The following CEP128 variants were observed in gnomAD, a reference collection of about 807,000 sequenced individuals.
CEP128 encodes centrosomal protein 128, also known as centrosomal protein 128kDa.
CEP128 carries 132 observed loss-of-function variants against 156.7 expected under a neutral mutation model. The ratio of observed to expected loss-of-function variants is 0.84; its 90% CI spans 0.73 to 0.97. The LOEUF is 0.97. Among genes scored for constraint, CEP128 ranks in the 50% least tolerant of loss-of-function variants. The pLI, the probability that CEP128 is intolerant of heterozygous loss-of-function variation, is 0.00. For synonymous variants in CEP128, 469 were observed against 448.9 expected (o/e 1.04, Z -0.57); for missense variants, 1,252 against 1,281.9 (o/e 0.98, Z 0.36).
At chr14:80,911,197 A>G (rs1466843609) in intron 4 of CEP128, among the ~76,000 whole-genome samples, 1 of 152,218 alleles carries the variant, frequency 6.6e-6, no homozygotes, top group Non-Finnish European at 1.5e-5. Flanking sequence ...AGAAGTGATC[A>G]TTTAAAACAT....
chr14:80,718,402 G>GACCTCAA (rs1267509932), intron 19 of CEP128, among the ~76,000 whole-genome samples: 1 of 152,172 alleles, frequency 6.6e-6, no homozygotes, highest in African/African-American at 2.4e-5. Flanking sequence ...TTTAATGACA[G>GACCTCAA]ACCTCAAATA....
At chr14:80,545,381 C>A (rs773146760) in intron 21 of CEP128, among the ~76,000 whole-genome samples, 1 of 151,790 alleles carries the variant, frequency 6.6e-6, no homozygotes, top group East Asian at 1.9e-4. Context: ...TAATCTTAAT[C>A]AATATACCAG....
At chr14:80,502,540 G>A (rs531701766) in intron 24 of CEP128, among the ~76,000 whole-genome samples, 35 of 151,404 alleles carry the variant, frequency 2.3e-4, no homozygotes, top group African/African-American at 8.0e-4. Context: ...TCCTTTCTTT[G>A]TGGTTATTTC....
chr14:80,596,351 C>T (rs1229927355), intron 19 of CEP128, among the ~76,000 whole-genome samples: 1 of 152,094 alleles, frequency 6.6e-6, no homozygotes, highest in Admixed American at 6.5e-5. Context: ...CAATATCACT[C>T]TCTCAAAAAT....
At chr14:80,788,960 T>TA (rs1901562888) in intron 14 of CEP128, among the ~76,000 whole-genome samples, 1 of 152,130 alleles carries the variant, frequency 6.6e-6, no homozygotes, top group Non-Finnish European at 1.5e-5. Flanking sequence ...ATTTTGTACC[T>TA]AGTGATGGTC....
intron 19 of CEP128, among the ~76,000 whole-genome samples, chr14:80,593,937 A>G (rs547908576): frequency 1.1e-4 from 17 of 152,360 alleles, no homozygotes; most frequent in Middle Eastern, 3.4e-3. Flanking sequence ...CCATCATGCT[A>G]CCATTGACTT....
At position 80,785,219 on chromosome 14, in the gene CEP128, T is replaced by A. The variant is rs1901338349; in HGVS notation, c.1887A>T (p.Lys629Asn). The A allele has an allele frequency of 6.2e-7, 1 of 1,614,140 alleles. No homozygotes were observed. The highest frequency in any genetic ancestry group is 8.5e-7 in the Non-Finnish European group (1 of 1,179,988). Residue 629 changes from lysine to asparagine, a missense_variant, in exon 15 of 25, where the codon AAA (lysine) becomes AAT (asparagine). Physicochemically the swap from Lys to Asn is moderately conservative, Grantham distance 94 (BLOSUM62 0). Coordinates refer to ENST00000555265, the MANE Select transcript of CEP128 (RefSeq NM_152446.5). ...TGATGGACTCTTGCATCTCAAGAAG[T>A]TTAGCTTTGTCCTGGGCCTGGCTCT... Reference protein sequence around the residue: ...LKKSQAQDKAKLLEMQESIKD... With the variant: ...LKKSQAQDKANLLEMQESIKD...
chr14:80,585,896 CA>C (rs559067726), intron 19 of CEP128, among the ~76,000 whole-genome samples: 39 of 151,282 alleles, frequency 2.6e-4, no homozygotes, highest in Non-Finnish European at 4.6e-4. Flanking sequence ...TTTCATATAA[CA>C]AAATTCATCA....
downstream of CEP128, among the ~76,000 whole-genome samples, chr14:80,488,933 A>G (rs939669422): frequency 4.9e-5 from 7 of 143,838 alleles, no homozygotes; most frequent in Non-Finnish European, 7.6e-5. Context: ...GAATTGAACA[A>G]TGAGAACACA....
intron 21 of CEP128, among the ~76,000 whole-genome samples, chr14:80,544,195 T>C (rs1889885079): frequency 6.6e-6 from 1 of 152,200 alleles, no homozygotes; most frequent in Non-Finnish European, 1.5e-5. Context: ...GATAAACGTG[T>C]ATACTATATC....
intron 9 of CEP128, among the ~76,000 whole-genome samples, chr14:80,856,428 T>C (rs1887161249): frequency 6.6e-6 from 1 of 152,156 alleles, no homozygotes; most frequent in Admixed American, 6.5e-5. Context: ...GGCAGATCAC[T>C]TGAGTCCAGA....
chr14:80,743,735 G>A (rs1441032157), intron 18 of CEP128, among the ~76,000 whole-genome samples: 2 of 152,170 alleles, frequency 1.3e-5, no homozygotes, highest in Non-Finnish European at 2.9e-5. Context: ...GGCATGAGGA[G>A]AGATTCTTTA....
chr14:80,564,225 A>T (rs921940535), intron 20 of CEP128, among the ~76,000 whole-genome samples: 11 of 152,240 alleles, frequency 7.2e-5, no homozygotes, highest in Non-Finnish European at 1.2e-4. Context: ...AAATATTTTT[A>T]AAAATGTTTA....
At chr14:80,771,565 C>G (rs927537658) in intron 16 of CEP128, among the ~76,000 whole-genome samples, 6 of 152,158 alleles carry the variant, frequency 3.9e-5, no homozygotes, top group African/African-American at 1.4e-4. Flanking sequence ...TTAAATAAAT[C>G]TTTTCATGGG....
chr14:80,683,391 A>T (rs1326387233), intron 19 of CEP128, among the ~76,000 whole-genome samples: 1 of 152,122 alleles, frequency 6.6e-6, no homozygotes. Flanking sequence ...CATAAAGACA[A>T]AGGGCTCCAT....
chr14:80,758,688 T>G (rs1425808726), intron 17 of CEP128, among the ~76,000 whole-genome samples: 1 of 152,112 alleles, frequency 6.6e-6, no homozygotes, highest in Non-Finnish European at 1.5e-5. Flanking sequence ...ATTAAAAATA[T>G]AAAGAAAGAG....
In CEP128 at chr14:80,524,908, T is replaced by C. The variant is rs541268277; in HGVS notation, c.3072+1961A>G. Among the ~76,000 whole-genome samples, 237 of 152,324 alleles carry C rather than the reference T, an allele frequency of 1.6e-3. 1 individual carries two copies. The highest frequency in any genetic ancestry group is 5.4e-3 in the African/African-American group (224 of 41,584). On this transcript the variant is annotated intron_variant, in intron 23 of 24. Coordinates refer to ENST00000555265, the MANE Select transcript of CEP128 (RefSeq NM_152446.5). The stretch of plus-strand genomic sequence containing the variant: ...TTTTGCTAAGTGCTGGCCCCTCTTA[T>C]GAACTAGGCCTGATTCCCTCTTCAG...
rs145764474 is a variant in CEP128, at chr14:80,747,085, T to C, written c.2614-3818A>G. Reference sequence around the variant, plus strand: ...AAATCAAAAAGACAGATAATAACAATTGTTTGTGTAGATGTGGAGAAACTG... The same window carrying C: ...AAATCAAAAAGACAGATAATAACAACTGTTTGTGTAGATGTGGAGAAACTG... On this transcript the variant is annotated intron_variant, in intron 18 of 24. Transcript: ENST00000555265. 7.9e-5 allele frequency among the ~76,000 whole-genome samples: 12 copies of C among 152,290 alleles called. No individual in the cohort carries two copies. In the East Asian group the frequency reaches 2.1e-3, roughly 27 times the overall value.
rs554526437 is a variant in CEP128 at position 80,900,520 on chromosome 14, A to C, written c.481-491T>G. Among the ~76,000 whole-genome samples the C allele has an allele frequency of 6.6e-5, 10 of 152,368 alleles. No individual in the cohort carries two copies. In the Middle Eastern group the frequency reaches 0.017, roughly 259 times the overall value. ...TTATTCTATCAGCCTATAATGCCTTAGTTTGCCAACTCCTGCTGTACAGAA... is the reference window on the plus strand; with the variant it reads ...TTATTCTATCAGCCTATAATGCCTTCGTTTGCCAACTCCTGCTGTACAGAA... On this transcript the variant is annotated intron_variant, in intron 6 of 24. Transcript: ENST00000555265.
Sources: allele counts gnomAD v4.1 joint callset (sites outside exome capture counted in the v4.1 genomes callset), GRCh38; gene constraint gnomAD v4.1.1; transcripts MANE v1.5; gene names NCBI Gene and HGNC (gene_info 2026-07-23, HGNC 2026-07-21).